Variants in PTPRD observed in about 807,000 individuals in gnomAD.
PTPRD encodes protein tyrosine phosphatase receptor type D, also known as receptor-type tyrosine-protein phosphatase delta.
Under a neutral mutation model 214.5 loss-of-function variants are expected in PTPRD, and 34 were observed. The observed-to-expected ratio is 0.16, with a 90% CI of 0.12 to 0.21. PTPRD has a LOEUF of 0.21. Ranked by LOEUF, PTPRD falls within the 10% of genes least tolerant of loss-of-function variation. The pLI is 1.00. For missense variants in PTPRD, 2,545 were observed against 2,398.7 expected, an observed-to-expected ratio of 1.06 and a Z score of -1.27; for synonymous variants, 1,128 against 845.7, an observed-to-expected ratio of 1.33 and a Z score of -5.79.
chr9:8,607,823 T>C (rs2095291848), intron 14 of PTPRD, among the ~76,000 whole-genome samples: 1 of 152,186 alleles, frequency 6.6e-6, no homozygotes, highest in African/African-American at 2.4e-5. Context: ...TTACAGTTTA[T>C]TGCAAATCTA....
chr9:9,300,861 A>G (rs910954886), intron 9 of PTPRD, among the ~76,000 whole-genome samples: 4 of 151,882 alleles, frequency 2.6e-5, no homozygotes, highest in Non-Finnish European at 5.9e-5. Context: ...ATTGAAAATT[A>G]GGGGTACTTG....
intron 8 of PTPRD, among the ~76,000 whole-genome samples, chr9:9,503,902 C>T (rs1293097323): frequency 1.3e-5 from 2 of 151,782 alleles, no homozygotes; most frequent in African/African-American, 4.8e-5. Context: ...AGGACATCTG[C>T]TCAGCAACTA....
rs141504829 is a variant in PTPRD, at chr9:9,291,888, G to GTATA, written c.-203+105557_-203+105560dup. Among the ~76,000 whole-genome samples, 221 of 143,420 alleles carry GTATA rather than the reference G, an allele frequency of 1.5e-3. 1 individual carries two copies. Among genetic ancestry groups the GTATA allele is most frequent in the Middle Eastern group, 7.8e-3 (2 of 256 alleles). The allele number at this position is 143,420 out of a possible 152,430, so 94.1% of individuals were successfully genotyped here. ...ATATGTGTATATATATGTGTGTATGGTATATATATATATATATATCTCAAA... is the reference window on the plus strand; with the variant it reads ...ATATGTGTATATATATGTGTGTATGGTATATATATATATATATATATATCTCAAA... On this transcript the variant is annotated intron_variant, in intron 9 of 45. Coordinates refer to ENST00000381196, the MANE Select transcript of PTPRD (RefSeq NM_002839.4).
intron 5 of PTPRD, among the ~76,000 whole-genome samples, chr9:9,886,525 G>A (rs951732031): frequency 3.3e-5 from 5 of 152,028 alleles, no homozygotes; most frequent in Admixed American, 1.3e-4. Flanking sequence ...AGGTCAGACC[G>A]TTCCACAGTG....
intron 2 of PTPRD, among the ~76,000 whole-genome samples, chr9:10,522,777 C>T (rs2052776420): frequency 6.6e-6 from 1 of 151,556 alleles, no homozygotes; most frequent in African/African-American, 2.4e-5. Flanking sequence ...GTCTGAGAAC[C>T]CTCAATTTTG....
At chr9:9,647,223 A>G (rs187467502) in intron 7 of PTPRD, among the ~76,000 whole-genome samples, 156 of 151,918 alleles carry the variant, frequency 1.0e-3, no homozygotes, top group African/African-American at 3.7e-3. Context: ...CAAATGTGCC[A>G]GTTGTTTTTG....
chr9:8,878,524 C>CG (rs1555466703), intron 11 of PTPRD, among the ~76,000 whole-genome samples: 1 of 148,054 alleles, frequency 6.8e-6, no homozygotes, highest in Non-Finnish European at 1.5e-5. Context: ...TCTTTCTTTT[C>CG]TTTTTTTTTT....
At chr9:10,383,906 T>C (rs2097864263) in intron 2 of PTPRD, among the ~76,000 whole-genome samples, 1 of 151,710 alleles carries the variant, frequency 6.6e-6, no homozygotes, top group South Asian at 2.1e-4. Flanking sequence ...AATTTATCTA[T>C]CTTAAGAATA....
At chr9:10,379,719 C>T (rs533280978) in intron 2 of PTPRD, among the ~76,000 whole-genome samples, 142 of 151,996 alleles carry the variant, frequency 9.3e-4, no homozygotes, top group African/African-American at 3.3e-3. Flanking sequence ...ATGGTTGTGC[C>T]TTAAAACCTT....
rs140733309 is a variant in PTPRD, at chr9:10,133,870, G to C, written c.-544-100080C>G. Among the ~76,000 whole-genome samples, 168 of 152,122 alleles carry C rather than the reference G, an allele frequency of 1.1e-3. No homozygotes were observed. In the Middle Eastern group the frequency reaches 0.014, roughly 12 times the overall value. On this transcript the variant is annotated intron_variant, in intron 3 of 45. Coordinates refer to ENST00000381196, the MANE Select transcript of PTPRD (RefSeq NM_002839.4). ...CTTAGTGCTTGTTATGTGATTTTTT[G>C]TTGTTGGTAAAATGTGGTGAGTTTA...
At chr9:8,635,865 G>T (rs564456029) in intron 13 of PTPRD, among the ~76,000 whole-genome samples, 2 of 152,100 alleles carry the variant, frequency 1.3e-5, no homozygotes, top group African/African-American at 4.8e-5. Flanking sequence ...ATATCTTATT[G>T]CCTATATTTC....
At chr9:8,954,227 G>C (rs1441821327) in intron 11 of PTPRD, among the ~76,000 whole-genome samples, 1 of 151,934 alleles carries the variant, frequency 6.6e-6, no homozygotes, top group East Asian at 1.9e-4. Context: ...ATTATCCTAA[G>C]TGAACTAAAG....
chr9:8,747,513 C>A (rs545786294), intron 11 of PTPRD, among the ~76,000 whole-genome samples: 1 of 152,108 alleles, frequency 6.6e-6, no homozygotes, highest in South Asian at 2.1e-4. Context: ...AAAAAGGAAC[C>A]GCCAAGCAGA....
chr9:10,373,186 A>C (rs897334141), intron 2 of PTPRD, among the ~76,000 whole-genome samples: 1 of 151,944 alleles, frequency 6.6e-6, no homozygotes, highest in East Asian at 1.9e-4. Context: ...AAAATTCAAC[A>C]TAAAGCATAA....
chr9:10,590,552 T>G, intron 2 of PTPRD, among the ~76,000 whole-genome samples: 1 of 152,084 alleles, frequency 6.6e-6, no homozygotes, highest in African/African-American at 2.4e-5. Flanking sequence ...AACTTCATAT[T>G]AATAAAAGCA....
At chr9:9,993,242 T>C (rs1445747271) in intron 4 of PTPRD, among the ~76,000 whole-genome samples, 1 of 152,230 alleles carries the variant, frequency 6.6e-6, no homozygotes, top group Non-Finnish European at 1.5e-5. Flanking sequence ...ATCTACTAAA[T>C]ATGGACATAT....
intron 11 of PTPRD, among the ~76,000 whole-genome samples, chr9:8,891,861 G>C (rs530463604): frequency 6.6e-6 from 1 of 151,994 alleles, no homozygotes; most frequent in Non-Finnish European, 1.5e-5. Flanking sequence ...CGTGGAGTTG[G>C]GCAGATTTAG....
chr9:10,319,941 A>C (rs1416163524), intron 3 of PTPRD, among the ~76,000 whole-genome samples: 1 of 152,016 alleles, frequency 6.6e-6, no homozygotes, highest in Non-Finnish European at 1.5e-5. Flanking sequence ...AACCTAAAAA[A>C]TATATTTTTC....
Position 10,197,208 on chromosome 9 carries a change from G to A in PTPRD, c.-545+143755C>T, listed in dbSNP as rs373258219. 1.2e-3 allele frequency among the ~76,000 whole-genome samples: 177 copies of A among 152,212 alleles called. 2 individuals are homozygous for A. The highest frequency in any genetic ancestry group is 4.0e-3 in the African/African-American group (166 of 41,542). On this transcript the variant is annotated intron_variant, in intron 3 of 45. Coordinates refer to ENST00000381196, the MANE Select transcript of PTPRD (RefSeq NM_002839.4). The stretch of plus-strand genomic sequence containing the variant: ...CACCACTCCCTTTTGGCTCTAGCCT[G>A]ACCTTTCCTCTTTTGATGCATTCTG...
Sources: gnomAD v4.1 joint callset for allele counts (sites outside exome capture counted in the v4.1 genomes callset) on GRCh38, gnomAD v4.1.1 for gene constraint, MANE v1.5 for transcripts, NCBI Gene and HGNC (gene_info 2026-07-23, HGNC 2026-07-21) for gene names.